The following KRT9 variants were observed in gnomAD, a reference collection of about 807,000 sequenced individuals.
KRT9 encodes keratin 9.
Under a neutral mutation model 51.4 loss-of-function variants are expected in KRT9, and 34 were observed. The observed-to-expected ratio is 0.66, with a 90% CI of 0.50 to 0.88. KRT9 has a LOEUF of 0.88. Ranked by LOEUF, KRT9 falls within the 40% of genes least tolerant of loss-of-function variation. The probability of loss-of-function intolerance (pLI) is 0.00; values close to 1 mark genes in which losing one functional copy is unlikely to be tolerated. For missense variants in KRT9, 753 were observed against 790.3 expected (o/e 0.95, Z 0.57); for synonymous variants, 292 against 289.7 (o/e 1.01, Z -0.08).
Position 41,571,452 on chromosome 17 carries a change from G to A in KRT9, c.541C>T (p.Leu181=). 1.9e-6 allele frequency: 3 copies of A among 1,613,982 alleles called. No homozygotes were observed. The highest frequency in any genetic ancestry group is 2.2e-5 in the East Asian group (1 of 44,882). The change falls in exon 1 of 8, where the codon CTG becomes TTG. Residue 181 remains leucine (L), a synonymous_variant. Transcript: ENST00000246662. The stretch of plus-strand genomic sequence containing the variant: ...TACCAATCCTGGATCTTATTCTCCA[G>A]GTCGTTGTTGGCCTCCTCTAGAGCC... ...VQALEEANND[L]ENKIQDWYDK...
intron 4 of KRT9, among the ~76,000 whole-genome samples, chr17:41,568,858 A>C (rs1597793448): frequency 6.6e-6 from 1 of 151,328 alleles, no homozygotes; most frequent in Non-Finnish European, 1.5e-5. Flanking sequence ...GCTTTGTCTC[A>C]CAACCATCTT....
intron 1 of KRT9, 77 bp downstream of exon 1, chr17:41,571,273 GT>G: frequency 7.8e-7 from 1 of 1,284,438 alleles, no homozygotes; most frequent in Admixed American, 1.7e-5. Flanking sequence ...TGAGCTTAGA[GT>G]TTAGCATTTT....
Position 41,568,152 on chromosome 17 carries a change from G to A in KRT9, c.1394+10C>T, listed in dbSNP as rs762789382. 2.5e-6 allele frequency: 4 copies of A among 1,611,336 alleles called. No homozygotes were observed. The highest frequency in any genetic ancestry group is 1.8e-4 in the Middle Eastern group (1 of 5,464). On this transcript the variant is annotated intron_variant, in intron 6 of 7. Coordinates refer to ENST00000246662, the MANE Select transcript of KRT9 (RefSeq NM_000226.4). ...CCCCCAGGGGTTCCACCAAATCCTGGGGGACCTACAAGTCTTCCTGGCCTC... is the reference window on the plus strand; with the variant it reads ...CCCCCAGGGGTTCCACCAAATCCTGAGGGACCTACAAGTCTTCCTGGCCTC...
chr17:41,571,780 G>A lies in KRT9; in HGVS notation c.213C>T (p.Tyr71=), dbSNP rs764286317. The A allele has an allele frequency of 1.2e-6, 2 of 1,613,506 alleles. No homozygotes were observed. The highest frequency in any genetic ancestry group is 4.5e-5 in the East Asian group (2 of 44,852). ...CACCCCCAGATCCTCCGCCGTAGCT[G>A]TAGCCAAAACTGCCACCGCCTCCCC... ...CGRGGGGSFG[Y]SYGGGSGGGF... is the part of the protein sequence containing the mutation. The change falls in exon 1 of 8, where the codon TAC becomes TAT. Residue 71 remains tyrosine (Y), a synonymous_variant. Coordinates refer to ENST00000246662, the MANE Select transcript of KRT9 (RefSeq NM_000226.4).
rs115962974 is a variant in KRT9, at chr17:41,569,869, T to C, written c.872A>G (p.Asn291Ser). 4.3e-6 allele frequency: 7 copies of C among 1,614,174 alleles called. No homozygotes were observed. In the African/African-American group the frequency reaches 9.3e-5, roughly 22 times the overall value. The change falls in exon 3 of 8, where the codon AAT (asparagine) becomes AGT (serine). Residue 291 changes from asparagine (N) to serine (S), a missense_variant. Asn to Ser is a conservative substitution (Grantham distance 46). This residue lies in a region of KRT9 where 507 missense variants were observed against 563.7 expected (regional missense o/e 0.90). Coordinates refer to ENST00000246662, the MANE Select transcript of KRT9 (RefSeq NM_000226.4). ...GCCCCAGCAACCTACCTCCTTATGATTCTTCTTGAGGGCCATCAGCTCCTC... is the reference window on the plus strand; with the variant it reads ...GCCCCAGCAACCTACCTCCTTATGACTCTTCTTGAGGGCCATCAGCTCCTC... ...LQEELMALKK[N>S]HKEEMSQLTG...
chr17:41,567,211 A>G, intron 7 of KRT9, 22 bp downstream of exon 7: 2 of 1,610,976 alleles, frequency 1.2e-6, no homozygotes, highest in Non-Finnish European at 1.7e-6. Flanking sequence ...TCTCCACCCC[A>G]CAACCTAGGA....
At chr17:41,567,022 C>T (rs1198362268) in intron 7 of KRT9, among the ~76,000 whole-genome samples, 2 of 152,160 alleles carry the variant, frequency 1.3e-5, no homozygotes, top group Non-Finnish European at 2.9e-5. Flanking sequence ...GAGACTCAGC[C>T]ATGTGTAGAT....
rs370739412 is a variant in KRT9, at chr17:41,567,367, C to T, written c.1778G>A (p.Gly593Glu). Reference protein sequence around the residue: ...GGSHGGGSGFGGESGGSYGGG... With the variant: ...GGSHGGGSGFEGESGGSYGGG... ...TCCGTAGCTGCCTCCACTTTCACCTCCAAAACCACTTCCTCCACCATGGCT... is the reference window on the plus strand; with the variant it reads ...TCCGTAGCTGCCTCCACTTTCACCTTCAAAACCACTTCCTCCACCATGGCT... Residue 593 changes from glycine (G) to glutamate (E), a missense_variant, in exon 7 of 8, where the codon GGA (glycine) becomes GAA (glutamate). Physicochemically the swap from Gly to Glu is moderately conservative, Grantham distance 98. This residue lies in a region of KRT9 where 507 missense variants were observed against 563.7 expected (regional missense o/e 0.90). Transcript: ENST00000246662. The T allele has an allele frequency of 7.4e-6, 12 of 1,611,854 alleles. No homozygotes were observed. The highest frequency in any genetic ancestry group is 9.3e-6 in the Non-Finnish European group (11 of 1,178,862).
At chr17:41,568,669 G>T in intron 4 of KRT9, 36 bp from the exon 5 acceptor site, 6 of 1,613,918 alleles carry the variant, frequency 3.7e-6, no homozygotes, top group Non-Finnish European at 5.1e-6. Flanking sequence ...ATCAGGCTGT[G>T]CCAGGAGCTT....
At position 41,571,641 on chromosome 17, in the gene KRT9, C is replaced by A. The variant is rs1217003781; in HGVS notation, c.352G>T (p.Gly118Cys). ...CCACCACCAAAGCCACCTCCAGAAC[C>A]ACCACCAAAGCCACCTCCAAAACCC... ...SGGFGGGFGG[G>C]SGGGFGGGYG... The change falls in exon 1 of 8, where the codon GGT becomes TGT. Residue 118 changes from glycine (G) to cysteine (C), a missense_variant. Physicochemically the swap from Gly to Cys is radical, Grantham distance 159. Around this residue, in one of 3 missense-constraint regions of KRT9, gnomAD observed 241 missense variants for 210.3 expected, o/e 1.15. Coordinates refer to ENST00000246662, the MANE Select transcript of KRT9 (RefSeq NM_000226.4). 1 of 1,605,304 alleles carries A rather than the reference C, an allele frequency of 6.2e-7. No individual in the cohort carries two copies. The highest frequency in any genetic ancestry group is 1.7e-5 in the Admixed American group (1 of 58,736).
At position 41,569,840 on chromosome 17, in the gene KRT9, AT is replaced by A; in HGVS notation, c.882+18del. On this transcript the variant is annotated intron_variant, in intron 3 of 7. Transcript: ENST00000246662. ...TGCTCCTCCCTCTTCCCGGTAAGCC[AT>A]AAGCCCCAGCAACCTACCTCCTTAT... 6.2e-7 allele frequency: 1 copy of A among 1,614,010 alleles called. No individual in the cohort carries two copies. Among genetic ancestry groups the A allele is most frequent in the Non-Finnish European group, 8.5e-7 (1 of 1,179,978 alleles).
Position 41,571,773 on chromosome 17 carries a change from C to T in KRT9, c.220G>A (p.Gly74Ser), listed in dbSNP as rs1188648638. 4.3e-6 allele frequency: 7 copies of T among 1,613,652 alleles called. No homozygotes were observed. The highest frequency in any genetic ancestry group is 3.3e-5 in the South Asian group (3 of 91,034). The change falls in exon 1 of 8, where the codon GGC (glycine) becomes AGC (serine). Residue 74 changes from glycine (G) to serine (S), a missense_variant. By Grantham distance (56) the Gly-to-Ser change is moderately conservative. Around this residue, in one of 3 missense-constraint regions of KRT9, gnomAD observed 241 missense variants for 210.3 expected, o/e 1.15. Coordinates refer to ENST00000246662, the MANE Select transcript of KRT9 (RefSeq NM_000226.4). ...GGGGSFGYSY[G>S]GGSGGGFSAS... ...CTAAAACCACCCCCAGATCCTCCGC[C>T]GTAGCTGTAGCCAAAACTGCCACCG...
rs772565930 is a variant in KRT9, at chr17:41,571,426, G to A, written c.567C>T (p.Tyr189=). 18 of 1,613,828 alleles carry A rather than the reference G, an allele frequency of 1.1e-5. No individual in the cohort carries two copies. Among genetic ancestry groups the A allele is most frequent in the Admixed American group, 5.0e-5 (3 of 59,964 alleles). Reference sequence around the variant, plus strand: ...GGATAGCAGCAGGTCCCTTCTTGTCGTACCAATCCTGGATCTTATTCTCCA... The same window carrying A: ...GGATAGCAGCAGGTCCCTTCTTGTCATACCAATCCTGGATCTTATTCTCCA... The part of the protein sequence containing the change: ...NDLENKIQDW[Y]DKKGPAAIQK... The change falls in exon 1 of 8, where the codon TAC becomes TAT. Residue 189 remains tyrosine (Y), a synonymous_variant. Coordinates refer to ENST00000246662, the MANE Select transcript of KRT9 (RefSeq NM_000226.4).
rs1907005024 is a variant in KRT9 at position 41,569,603 on chromosome 17, G to C, written c.883-16C>G. The C allele has an allele frequency of 6.2e-7, 1 of 1,613,064 alleles. No individual in the cohort carries two copies. ...GACTCATCTCCTGCCAGGGAAGAAG[G>C]GGAGATGAGGTCACGGATAAAGTCC... On this transcript the variant is annotated splice_polypyrimidine_tract_variant and intron_variant, in intron 3 of 7. Coordinates refer to ENST00000246662, the MANE Select transcript of KRT9 (RefSeq NM_000226.4).
intron 7 of KRT9, among the ~76,000 whole-genome samples, chr17:41,566,658 A>C (rs1003139765): frequency 6.6e-6 from 1 of 152,244 alleles, no homozygotes; most frequent in Admixed American, 6.5e-5. Flanking sequence ...TACATGGGAA[A>C]ATGTTCCCTG....
chr17:41,571,858 G>T lies in KRT9; in HGVS notation c.135C>A (p.Gly45=). Reference sequence around the variant, plus strand: ...CATAGCCACTAGAAGAGCTGAATCGGCCCCCTCCTCCACCGCCCCCTGAGG... The same window carrying T: ...CATAGCCACTAGAAGAGCTGAATCGTCCCCCTCCTCCACCGCCCCCTGAGG... ...FSSSGGGGGG[G]RFSSSSGYGG... The change falls in exon 1 of 8, where the codon GGC becomes GGA. Residue 45 remains glycine, a synonymous_variant. Transcript: ENST00000246662. 6.2e-7 allele frequency: 1 copy of T among 1,611,928 alleles called. No individual in the cohort carries two copies. The highest frequency in any genetic ancestry group is 2.2e-5 in the East Asian group (1 of 44,780).
rs916325887 is a variant in KRT9, at chr17:41,567,381, T to C, written c.1764A>G (p.Gly588=). Residue 588 remains glycine, a synonymous_variant, in exon 7 of 8, where the codon GGA becomes GGG. Coordinates refer to ENST00000246662, the MANE Select transcript of KRT9 (RefSeq NM_000226.4). ...CACTTTCACCTCCAAAACCACTTCC[T>C]CCACCATGGCTGCCTCCACTTCCTC... ...SRGGSGGSHG[G]GSGFGGESGG... 2 of 1,605,600 alleles carry C rather than the reference T, an allele frequency of 1.2e-6. No individual in the cohort carries two copies. Among genetic ancestry groups the C allele is most frequent in the Non-Finnish European group, 8.5e-7 (1 of 1,175,512 alleles).
chr17:41,568,055 G>C, intron 6 of KRT9, 107 bp downstream of exon 6: 2 of 1,077,370 alleles, frequency 1.9e-6, no homozygotes, highest in African/African-American at 1.6e-5. Context: ...CAACCCATAA[G>C]ACCCTGTGTA....
In KRT9 at chr17:41,567,666, A is replaced by G. The variant is rs750539483; in HGVS notation, c.1479T>C (p.Ser493=). ...TTCCTCCTCCACCATAGCTGCCTCC[A>G]CTTCCTCCCCTGGATCCTCTTCCAT... ...GSYGRGSRGG[S]GGSYGGGGSG... The change falls in exon 7 of 8, where the codon AGT becomes AGC. Residue 493 remains serine (S), a synonymous_variant. Transcript: ENST00000246662. 1.5e-5 allele frequency: 24 copies of G among 1,611,158 alleles called. No homozygotes were observed. The highest frequency in any genetic ancestry group is 2.0e-5 in the Non-Finnish European group (24 of 1,178,500).
Sources: allele counts gnomAD v4.1 joint callset (sites outside exome capture counted in the v4.1 genomes callset), GRCh38; gene constraint gnomAD v4.1.1; regional missense constraint gnomAD v4.1.1; transcripts MANE v1.5; gene names NCBI Gene and HGNC (gene_info 2026-07-23, HGNC 2026-07-21).